CD8B2: variants seen among roughly 807,000 people sequenced by gnomAD.
CD8B2 encodes the protein CD8B family member 2.
In CD8B2, 11 loss-of-function variants were observed where a neutral mutation model predicts 23.7. The observed-to-expected ratio is 0.46, with a 90% CI of 0.29 to 0.77. The LOEUF (loss-of-function observed/expected upper bound fraction) is 0.77, where lower values mean the gene tolerates loss of function less well. Ranked by LOEUF, CD8B2 falls within the 30% of genes least tolerant of loss-of-function variation. CD8B2 has a pLI of 0.09. For missense variants in CD8B2, 197 were observed against 270.5 expected (o/e 0.73, Z 1.91); for synonymous variants, 90 against 109.3 (o/e 0.82, Z 1.10).
intron 1 of CD8B2, among the ~76,000 whole-genome samples, chr2:106,487,868 A>G (rs1008038951): frequency 2.0e-5 from 3 of 151,920 alleles, no homozygotes; most frequent in African/African-American, 7.3e-5. Flanking sequence ...CTGTGGACAC[A>G]TTTTTATTAC....
rs1679607257 is a variant in CD8B2, at chr2:106,510,536, C to T, written c.*3596C>T. On this transcript the variant is annotated 3_prime_UTR_variant, in exon 6 of 6. Transcript: ENST00000643224. ...TTGAGCTCAGGAGTTTGAGAGCAGC[C>T]TAGGCAACATAGCAAGACCTCGACT... is the stretch of plus-strand genomic sequence containing the variant. The T allele has an allele frequency of 6.6e-6, 1 of 152,040 alleles. No individual in the cohort carries two copies. The highest frequency in any genetic ancestry group is 6.6e-5 in the Admixed American group (1 of 15,266). The allele number at this position is 152,040 out of a possible 1,614,324, so 9.4% of individuals were successfully genotyped here.
At position 106,521,675 on chromosome 2, in the gene CD8B2, G is replaced by C. The variant is rs1465234480; in HGVS notation, c.620+17350G>C. On this transcript the variant is annotated intron_variant, in intron 5 of 5. Coordinates refer to the CD8B2 transcript ENST00000416057. Reference sequence around the variant, plus strand: ...TTGTCTAGGAAAGAGGTGGTTTCCAGGAGGCAGCACTTTCAGTTCTGAAAC... The same window carrying C: ...TTGTCTAGGAAAGAGGTGGTTTCCACGAGGCAGCACTTTCAGTTCTGAAAC... 5 of 152,270 alleles carry C rather than the reference G, an allele frequency of 3.3e-5. No individual in the cohort carries two copies. In the East Asian group the frequency reaches 9.6e-4, roughly 29 times the overall value. The allele number at this position is 152,270 out of a possible 1,614,324, so 9.4% of individuals were successfully genotyped here.
chr2:106,502,070 C>T (rs1371513890), intron 3 of CD8B2, among the ~76,000 whole-genome samples: 6 of 151,544 alleles, frequency 4.0e-5, no homozygotes, highest in Non-Finnish European at 7.4e-5. Context: ...CCAAGGTGGG[C>T]GGATTGCTTG....
At chr2:106,525,716 T>C (rs998152248) in intron 5 of CD8B2, among the ~76,000 whole-genome samples, 2 of 152,232 alleles carry the variant, frequency 1.3e-5, no homozygotes, top group Admixed American at 6.5e-5. Context: ...ATATAAATAA[T>C]GTATAATATG....
chr2:106,542,765 A>C (rs1024693990), intron 5 of CD8B2, among the ~76,000 whole-genome samples: 5 of 149,984 alleles, frequency 3.3e-5, no homozygotes, highest in Non-Finnish European at 5.9e-5. Flanking sequence ...CTATATATGA[A>C]GTATAAATAA....
chr2:106,488,406 G>A (rs1330313440), intron 1 of CD8B2, among the ~76,000 whole-genome samples: 2 of 151,974 alleles, frequency 1.3e-5, no homozygotes, highest in East Asian at 3.9e-4. Context: ...ACAGCCCGGA[G>A]TATTCAGTTC....
At chr2:106,534,932 T>C (rs1442161717) in intron 5 of CD8B2, among the ~76,000 whole-genome samples, 1 of 152,096 alleles carries the variant, frequency 6.6e-6, no homozygotes, top group Non-Finnish European at 1.5e-5. Context: ...AGCGATTCTC[T>C]TGCCTCAGCC....
At chr2:106,516,851 T>G (rs1425628656) in intron 5 of CD8B2, among the ~76,000 whole-genome samples, 1 of 151,020 alleles carries the variant, frequency 6.6e-6, no homozygotes, top group Non-Finnish European at 1.5e-5. Context: ...ATTACCAGGC[T>G]TTTTCAAAAT....
At chr2:106,529,774 A>G (rs1431291665) in intron 5 of CD8B2, among the ~76,000 whole-genome samples, 1 of 152,192 alleles carries the variant, frequency 6.6e-6, no homozygotes, top group African/African-American at 2.4e-5. Flanking sequence ...AACAGGCTCA[A>G]AAGAAGATTC....
intron 3 of CD8B2, among the ~76,000 whole-genome samples, chr2:106,501,503 G>A (rs1336624843): frequency 1.3e-5 from 2 of 152,020 alleles, no homozygotes; most frequent in Non-Finnish European, 2.9e-5. Flanking sequence ...CCAACGTGGT[G>A]AAACCCCATC....
intron 4 of CD8B2, among the ~76,000 whole-genome samples, chr2:106,503,173 G>T (rs1456400009): frequency 6.6e-6 from 1 of 151,622 alleles, no homozygotes; most frequent in Non-Finnish European, 1.5e-5. Context: ...GGGGAGGCCT[G>T]CATGGCTGCC....
downstream of CD8B2, among the ~76,000 whole-genome samples, chr2:106,511,537 C>A (rs757924907): frequency 6.6e-6 from 1 of 151,366 alleles, no homozygotes; most frequent in Non-Finnish European, 1.5e-5. Flanking sequence ...CCTACACCAC[C>A]CCCTCCCTTT....
intron 3 of CD8B2, among the ~76,000 whole-genome samples, chr2:106,501,703 G>T (rs886506361): frequency 4.0e-5 from 6 of 151,812 alleles, no homozygotes; most frequent in African/African-American, 1.5e-4. Context: ...ACAAACAAAC[G>T]AACAAACCCT....
At chr2:106,517,860 C>T (rs559307215) in intron 5 of CD8B2, among the ~76,000 whole-genome samples, 113 of 152,190 alleles carry the variant, frequency 7.4e-4, no homozygotes, top group African/African-American at 2.5e-3. Flanking sequence ...CTACAGGCGC[C>T]CGCCACAACG....
At chr2:106,540,346 T>C (rs1415201540) in intron 5 of CD8B2, among the ~76,000 whole-genome samples, 2 of 152,186 alleles carry the variant, frequency 1.3e-5, no homozygotes, top group Non-Finnish European at 2.9e-5. Context: ...TGCAAAGAAA[T>C]GACAATTAGC....
intron 5 of CD8B2, among the ~76,000 whole-genome samples, chr2:106,504,989 A>C (rs1679477595): frequency 1.3e-5 from 2 of 151,908 alleles, no homozygotes; most frequent in Admixed American, 1.3e-4. Flanking sequence ...GTCACATAGC[A>C]CTCTTGGGGC....
At chr2:106,503,438 T>A (rs1450897426) in intron 4 of CD8B2, among the ~76,000 whole-genome samples, 3 of 152,204 alleles carry the variant, frequency 2.0e-5, no homozygotes, top group African/African-American at 7.2e-5. Flanking sequence ...GGGGCCCATG[T>A]ACCCCATTCT....
At chr2:106,540,028 G>A (rs1044253973) in intron 5 of CD8B2, among the ~76,000 whole-genome samples, 4 of 152,122 alleles carry the variant, frequency 2.6e-5, no homozygotes, top group Non-Finnish European at 5.9e-5. Flanking sequence ...TTCATGTTAT[G>A]TAGATGAAGT....
intron 5 of CD8B2, among the ~76,000 whole-genome samples, chr2:106,526,176 G>A (rs529549707): frequency 6.6e-5 from 10 of 151,838 alleles, no homozygotes; most frequent in African/African-American, 1.9e-4. Context: ...GGGAGGCAGT[G>A]GTTTCAGTGA....
Sources: allele counts gnomAD v4.1 joint callset (sites outside exome capture counted in the v4.1 genomes callset), GRCh38; gene constraint gnomAD v4.1.1; transcripts MANE v1.5; gene names NCBI Gene and HGNC (gene_info 2026-07-23, HGNC 2026-07-21).